Variants in GPR149 observed in about 807,000 individuals in gnomAD.
GPR149 encodes probable G protein-coupled receptor 149.
A neutral mutation model predicts 50.2 loss-of-function variants in GPR149; 50 were observed. The observed-to-expected ratio is 1.00, with a 90% CI of 0.79 to 1.26. The LOEUF (loss-of-function observed/expected upper bound fraction) is 1.26, where lower values mean the gene tolerates loss of function less well. GPR149 is among the 50% of genes most tolerant of loss of function. The probability of loss-of-function intolerance (pLI) is 0.00; values close to 1 mark genes in which losing one functional copy is unlikely to be tolerated. For synonymous variants in GPR149, 405 were observed against 358.2 expected (o/e 1.13, Z -1.48); for missense variants, 983 against 895.4 (o/e 1.10, Z -1.25).
At chr3:154,408,152 A>G (rs1711745745) in intron 3 of GPR149, among the ~76,000 whole-genome samples, 1 of 152,220 alleles carries the variant, frequency 6.6e-6, no homozygotes, top group Admixed American at 6.5e-5. Context: ...TAGAATTCCT[A>G]TGCTAAATAT....
chr3:154,358,246 T>C (rs1714289842), intron 3 of GPR149, among the ~76,000 whole-genome samples: 1 of 152,042 alleles, frequency 6.6e-6, no homozygotes, highest in Non-Finnish European at 1.5e-5. Context: ...CATATGTAAC[T>C]AACCTGCGCA....
At chr3:154,392,617 A>G (rs1576919323) in intron 3 of GPR149, among the ~76,000 whole-genome samples, 1 of 151,838 alleles carries the variant, frequency 6.6e-6, no homozygotes, top group African/African-American at 2.4e-5. Context: ...TAGAATAAAA[A>G]TGTGACAAAA....
chr3:154,362,153 G>A (rs1040793446), intron 3 of GPR149, among the ~76,000 whole-genome samples: 1 of 151,972 alleles, frequency 6.6e-6, no homozygotes, highest in Non-Finnish European at 1.5e-5. Flanking sequence ...GCCGGGCGTG[G>A]TGGCGGGCAT....
intron 3 of GPR149, among the ~76,000 whole-genome samples, chr3:154,341,604 GAGAA>G (rs1211296921): frequency 6.6e-6 from 1 of 151,802 alleles, no homozygotes. Context: ...AAAAGTAAGA[GAGAA>G]AGAATAATGT....
intron 3 of GPR149, among the ~76,000 whole-genome samples, chr3:154,370,667 C>T (rs1447683981): frequency 1.3e-5 from 2 of 152,082 alleles, no homozygotes; most frequent in African/African-American, 2.4e-5. Context: ...CACACAGAGT[C>T]CCAGGTAAGG....
intron 3 of GPR149, among the ~76,000 whole-genome samples, chr3:154,373,255 G>A (rs1204494225): frequency 6.6e-6 from 1 of 152,132 alleles, no homozygotes; most frequent in Non-Finnish European, 1.5e-5. Context: ...GAGTAGAACA[G>A]TGTCAAATGC....
chr3:154,368,726 C>T (rs1714597037), intron 3 of GPR149, among the ~76,000 whole-genome samples: 1 of 152,168 alleles, frequency 6.6e-6, no homozygotes, highest in Non-Finnish European at 1.5e-5. Context: ...GGCTAGAGTA[C>T]AGCAGCTGTT....
intron 3 of GPR149, chr3:154,352,121 TTAAG>T (rs1417461016): frequency 2.9e-6 from 2 of 689,170 alleles, no homozygotes; most frequent in African/African-American, 3.6e-5. Flanking sequence ...CACTGGTAGA[TTAAG>T]TATCAAATAT....
rs1712427184 is a variant in GPR149 at position 154,429,559 on chromosome 3, A to G, written c.57T>C (p.Asn19=). ...STNDSSLWKE[N]HNSTDLLNPP... is the part of the protein sequence containing the mutation. ...GATTTAAAAGGTCCGTAGAATTATG[A>G]TTCTCTTTCCACAGGCTAGAGTCAT... Residue 19 remains asparagine, a synonymous_variant, in exon 1 of 4, where the codon AAT becomes AAC. Transcript: ENST00000389740. The G allele has an allele frequency of 4.3e-6, 7 of 1,613,806 alleles. No individual in the cohort carries two copies. Among genetic ancestry groups the G allele is most frequent in the Non-Finnish European group, 5.9e-6 (7 of 1,179,664 alleles).
chr3:154,346,218 G>A (rs998278815), intron 3 of GPR149, among the ~76,000 whole-genome samples: 1 of 152,164 alleles, frequency 6.6e-6, no homozygotes, highest in Non-Finnish European at 1.5e-5. Flanking sequence ...ATTTAAGATG[G>A]TTAGTAGAGA....
At position 154,401,359 on chromosome 3, in the gene GPR149, A is replaced by C. The variant is rs568539563; in HGVS notation, c.1623+19680T>G. On this transcript the variant is annotated intron_variant, in intron 3 of 3. Coordinates refer to ENST00000389740, the MANE Select transcript of GPR149 (RefSeq NM_001038705.3). ...AGAGAATCTGTGTTTGCCCAGTAGC[A>C]AGGCAATGTTTTCAAATGATTCTGC... is the stretch of plus-strand genomic sequence containing the variant. 3.3e-5 allele frequency among the ~76,000 whole-genome samples: 5 copies of C among 152,372 alleles called. No individual in the cohort carries two copies. In the South Asian group the frequency reaches 1.0e-3, roughly 32 times the overall value.
intron 3 of GPR149, among the ~76,000 whole-genome samples, chr3:154,382,421 G>C: frequency 6.6e-6 from 1 of 152,158 alleles, no homozygotes; most frequent in East Asian, 1.9e-4. Context: ...AAGGCTGCTG[G>C]TAAGTATAGA....
Position 154,379,704 on chromosome 3 carries a change from C to T in GPR149, c.1623+41335G>A, listed in dbSNP as rs185875851. 3.9e-5 allele frequency among the ~76,000 whole-genome samples: 6 copies of T among 152,232 alleles called. No homozygotes were observed. The East Asian group carries it at 1.2e-3, about 29-fold the overall frequency. On this transcript the variant is annotated intron_variant, in intron 3 of 3. Transcript: ENST00000389740. ...AGCACCATTTGTTGAAAAGTCTAAA[C>T]TTTGCCTATTCAATTGTTTGGCATC...
intron 2 of GPR149, among the ~76,000 whole-genome samples, chr3:154,423,392 T>G (rs1712200227): frequency 6.6e-6 from 1 of 151,908 alleles, no homozygotes; most frequent in Non-Finnish European, 1.5e-5. Context: ...GGAGTTGTCT[T>G]TATTTGAAAT....
intron 3 of GPR149, among the ~76,000 whole-genome samples, chr3:154,366,669 A>T (rs1234172035): frequency 6.6e-6 from 1 of 152,218 alleles, no homozygotes; most frequent in East Asian, 1.9e-4. Flanking sequence ...CCTTTCAACC[A>T]ATTGCCAGTC....
intron 3 of GPR149, among the ~76,000 whole-genome samples, chr3:154,380,061 G>A (rs1464782153): frequency 6.6e-6 from 1 of 151,812 alleles, no homozygotes; most frequent in African/African-American, 2.4e-5. Context: ...AGGCTCATAT[G>A]GTAAGTGAAT....
In GPR149 at chr3:154,379,747, G is replaced by T. The variant is rs1028183080; in HGVS notation, c.1623+41292C>A. On this transcript the variant is annotated intron_variant, in intron 3 of 3. Transcript: ENST00000389740. ...TTGGCATCTTTGTGAAAAACCAATT[G>T]CCCATAAATGTAAGAACTTTAATTC... Among the ~76,000 whole-genome samples the T allele has an allele frequency of 2.0e-5, 3 of 152,058 alleles. No homozygotes were observed. The East Asian group carries it at 5.8e-4, about 29-fold the overall frequency.
At chr3:154,387,719 C>G (rs540610352) in intron 3 of GPR149, among the ~76,000 whole-genome samples, 8 of 152,030 alleles carry the variant, frequency 5.3e-5, no homozygotes, top group Non-Finnish European at 7.4e-5. Context: ...TCTAAAGAAC[C>G]AGGGTTTCTT....
chr3:154,396,878 G>A (rs1206402424), intron 3 of GPR149, among the ~76,000 whole-genome samples: 2 of 150,926 alleles, frequency 1.3e-5, no homozygotes, highest in Middle Eastern at 3.2e-3. Flanking sequence ...TTTAAAGAAA[G>A]GGTTTTTATT....
Sources: gnomAD v4.1 joint callset for allele counts (sites outside exome capture counted in the v4.1 genomes callset) on GRCh38, gnomAD v4.1.1 for gene constraint, MANE v1.5 for transcripts, NCBI Gene and HGNC (gene_info 2026-07-23, HGNC 2026-07-21) for gene names.